Variants in PSMD6 observed in about 807,000 individuals in gnomAD.
PSMD6 encodes the protein proteasome 26S subunit, non-ATPase 6.
In PSMD6, 7 loss-of-function variants were observed where a neutral mutation model predicts 44.9. That is an observed-to-expected ratio of 0.16 (90% CI 0.09 to 0.29). The LOEUF (loss-of-function observed/expected upper bound fraction) is 0.29. Ranked by LOEUF, PSMD6 falls within the 10% of genes least tolerant of loss-of-function variation. PSMD6 has a pLI of 1.00. For synonymous variants in PSMD6, 184 were observed against 172.7 expected (o/e 1.07, Z -0.51); for missense variants, 420 against 482.6 (o/e 0.87, Z 1.21).
In PSMD6 at chr3:64,013,562, T is replaced by C; in HGVS notation, c.872A>G (p.His291Arg). 1 of 1,612,280 alleles carries C rather than the reference T, an allele frequency of 6.2e-7. No homozygotes were observed. Among genetic ancestry groups the C allele is most frequent in the East Asian group, 2.2e-5 (1 of 44,848 alleles). Residue 291 changes from histidine (H) to arginine (R), a missense_variant, in exon 6 of 8, where the codon CAT becomes CGT. Around this residue, in one of 4 missense-constraint regions of PSMD6, gnomAD observed 216 missense variants for 227.0 expected, o/e 0.95. Transcript: ENST00000295901. ...CATTTCTCTTACATAGTATCGATAA[T>C]GAGGGGCAAAAAGCCAGTCCTTTTT... The part of the protein sequence containing the change: ...EMKKDWLFAP[H>R]YRYYVREMRI...
intron 2 of PSMD6, 62 bp from the exon 3 acceptor site, chr3:64,019,503 G>C (rs1179893609): frequency 1.3e-6 from 2 of 1,530,656 alleles, no homozygotes; most frequent in East Asian, 4.5e-5. Flanking sequence ...AAAGCTATCA[G>C]CTGTCTGGGA....
intron 7 of PSMD6, 46 bp from the exon 8 acceptor site, chr3:64,010,810 A>ATTCCATGACAATAGT (rs1360380248): frequency 1.3e-6 from 2 of 1,577,550 alleles, no homozygotes; most frequent in Non-Finnish European, 1.7e-6. Context: ...CAGTCACATT[A>ATTCCATGACAATAGT]TTCCATGACA....
At chr3:64,018,307 G>A (rs831692) in intron 5 of PSMD6, 84,916 of 219,834 alleles carry the variant, frequency 0.39, 18,651 homozygotes, top group African/African-American at 0.65. Flanking sequence ...AGGGCCAGAG[G>A]GTAAGTATTT....
In PSMD6 at chr3:64,010,649, C is replaced by CTTTG. The variant is rs2075921531; in HGVS notation, c.*15_*18dup. The CTTTG allele has an allele frequency of 1.3e-6, 2 of 1,528,774 alleles. No individual in the cohort carries two copies. Among genetic ancestry groups the CTTTG allele is most frequent in the Non-Finnish European group, 1.8e-6 (2 of 1,112,724 alleles). 94.7% of individuals were successfully genotyped at this position (1,528,774 alleles called of 1,614,324 possible). On this transcript the variant is annotated 3_prime_UTR_variant, in exon 8 of 8. Coordinates refer to ENST00000295901, the MANE Select transcript of PSMD6 (RefSeq NM_014814.3). ...CAAATAATTATCTCTAAAGCAAATC[C>CTTTG]TTTGTTAGTTACATGGCTTTACATA...
intron 1 of PSMD6, 139 bp downstream of exon 1, chr3:64,023,136 A>T (rs1294812961): frequency 7.0e-7 from 1 of 1,422,926 alleles, no homozygotes; most frequent in Non-Finnish European, 9.2e-7. Flanking sequence ...CAAAACCCTA[A>T]GGGCCGGAGA....
intron 1 of PSMD6, chr3:64,022,784 G>A (rs1462612548): frequency 2.0e-6 from 3 of 1,536,086 alleles, no homozygotes; most frequent in African/African-American, 1.4e-5. Flanking sequence ...TGCTCTTGCC[G>A]GATTCTGTTC....
chr3:64,018,919 A>G lies in PSMD6; in HGVS notation c.616T>C (p.Ser206Pro). The G allele has an allele frequency of 6.3e-7, 1 of 1,599,300 alleles. No homozygotes were observed. The highest frequency in any genetic ancestry group is 8.6e-7 in the Non-Finnish European group (1 of 1,166,510). ...QAAELFLDTV[S>P]TFTSYELMDY... ...ATGAGTTCATAGGATGTAAATGTTGAAACAGTGTCAAGGAAGAGTTCAGCT... is the reference window on the plus strand; with the variant it reads ...ATGAGTTCATAGGATGTAAATGTTGGAACAGTGTCAAGGAAGAGTTCAGCT... The change falls in exon 4 of 8, where the codon TCA becomes CCA. Residue 206 changes from serine to proline, a missense_variant. This residue lies in a region of PSMD6 where 216 missense variants were observed against 227.0 expected (regional missense o/e 0.95). Transcript: ENST00000295901.
intron 1 of PSMD6, 31 bp from the exon 2 acceptor site, chr3:64,022,554 G>A (rs778579096): frequency 1.9e-6 from 3 of 1,611,428 alleles, no homozygotes; most frequent in South Asian, 2.2e-5. Context: ...TGTGTGAGTG[G>A]GGACACTTGT....
At chr3:64,011,129 T>C in intron 6 of PSMD6, 174 bp from the exon 7 acceptor site, 1 of 526,472 alleles carries the variant, frequency 1.9e-6, no homozygotes. Flanking sequence ...CTTTAAGTCA[T>C]CATCTACTAG....
intron 6 of PSMD6, 96 bp from the exon 7 acceptor site, chr3:64,011,051 C>T: frequency 9.9e-7 from 1 of 1,010,686 alleles, no homozygotes; most frequent in Middle Eastern, 3.2e-4. Context: ...TTGTAACAAA[C>T]ATTTAGCTTC....
At chr3:64,020,347 G>C (rs1187543533) in intron 2 of PSMD6, among the ~76,000 whole-genome samples, 1 of 152,092 alleles carries the variant, frequency 6.6e-6, no homozygotes, top group East Asian at 1.9e-4. Context: ...GAGTAAATAG[G>C]AGGGGAAAAG....
chr3:64,016,853 A>C (rs1014660756), intron 5 of PSMD6: 5 of 152,192 alleles, frequency 3.3e-5, no homozygotes, highest in African/African-American at 1.2e-4. Flanking sequence ...GCTGTACACA[A>C]ATCTTCATTA....
intron 6 of PSMD6, 63 bp downstream of exon 6, chr3:64,013,376 A>G: frequency 2.1e-6 from 3 of 1,418,178 alleles, no homozygotes; most frequent in Non-Finnish European, 2.8e-6. Context: ...AAAATTGTAC[A>G]AGTTCACATA....
chr3:64,013,681 T>A, intron 5 of PSMD6, 74 bp from the exon 6 acceptor site: 2 of 1,348,154 alleles, frequency 1.5e-6, no homozygotes, highest in Non-Finnish European at 2.0e-6. Context: ...AAAGCAACAC[T>A]ACTAGTTGAG....
intron 5 of PSMD6, chr3:64,018,337 T>G: frequency 3.3e-6 from 1 of 303,114 alleles, no homozygotes; most frequent in Non-Finnish European, 6.2e-6. Flanking sequence ...GCAAGCTACA[T>G]AGCTCTCCGT....
chr3:64,018,870 T>G lies in PSMD6; in HGVS notation c.665A>C (p.Tyr222Ser), dbSNP rs1029345911. Reference protein sequence around the residue: ...ELMDYKTFVTYTVYVSMIALE... With the variant: ...ELMDYKTFVTSTVYVSMIALE... ...GGCAATCATACTGACATAGACAGTATAAGTCACAAATGTTTTATAATCCAT... is the reference window on the plus strand; with the variant it reads ...GGCAATCATACTGACATAGACAGTAGAAGTCACAAATGTTTTATAATCCAT... Residue 222 changes from tyrosine (Y) to serine (S), a missense_variant, in exon 4 of 8, where the codon TAT (tyrosine) becomes TCT (serine). Around this residue, in one of 4 missense-constraint regions of PSMD6, gnomAD observed 216 missense variants for 227.0 expected, o/e 0.95. Transcript: ENST00000295901. The G allele has an allele frequency of 8.1e-6, 13 of 1,598,678 alleles. No homozygotes were observed. Among genetic ancestry groups the G allele is most frequent in the Non-Finnish European group, 1.1e-5 (13 of 1,165,962 alleles).
chr3:64,017,116 T>A (rs1488368799), intron 5 of PSMD6: 1 of 149,464 alleles, frequency 6.7e-6, no homozygotes, highest in African/African-American at 2.6e-5. Context: ...CGTACAGACA[T>A]AAAGTAGATC....
In PSMD6 at chr3:64,022,519, C is replaced by T; in HGVS notation, c.150G>A (p.Met50Ile). The T allele has an allele frequency of 6.2e-7, 1 of 1,613,576 alleles. No individual in the cohort carries two copies. The highest frequency in any genetic ancestry group is 2.2e-5 in the East Asian group (1 of 44,882). The change falls in exon 2 of 8, where the codon ATG becomes ATA. Residue 50 changes from methionine to isoleucine, a missense_variant. Met to Ile is a conservative substitution (Grantham distance 10). Transcript: ENST00000295901. Reference sequence around the variant, plus strand: ...TGCACAAGGCTTCATAGTAAGGAGCCATGTCTAACATGCAAAAAGAGGGAT... The same window carrying T: ...TGCACAAGGCTTCATAGTAAGGAGCTATGTCTAACATGCAAAAAGAGGGAT... ...ELMAAVRDNN[M>I]APYYEALCKS... is the part of the protein sequence containing the mutation.
chr3:64,012,129 A>T (rs2075966604), intron 6 of PSMD6: 1 of 152,106 alleles, frequency 6.6e-6, no homozygotes, highest in Non-Finnish European at 1.5e-5. Context: ...AAAACATAAA[A>T]TGTATAGATT....
Sources: gnomAD v4.1 joint callset for allele counts (sites outside exome capture counted in the v4.1 genomes callset) on GRCh38, gnomAD v4.1.1 for gene constraint, gnomAD v4.1.1 regional missense constraint, MANE v1.5 for transcripts, NCBI Gene and HGNC (gene_info 2026-07-23, HGNC 2026-07-21) for gene names.